Variants in SDK2 observed in about 807,000 individuals in gnomAD.
The protein encoded by SDK2 is protein sidekick-2.
SDK2 carries 105 observed loss-of-function variants against 253.9 expected under a neutral mutation model. The ratio of observed to expected loss-of-function variants is 0.41; its 90% CI spans 0.35 to 0.49. The LOEUF is 0.49. Among genes scored for constraint, SDK2 ranks in the 20% least tolerant of loss-of-function variants. The pLI, the probability that SDK2 is intolerant of heterozygous loss-of-function variation, is 0.06. For synonymous variants in SDK2, 1,249 were observed against 1,234.9 expected, an observed-to-expected ratio of 1.01 and a Z score of -0.24; for missense variants, 2,608 against 3,003.0, an observed-to-expected ratio of 0.87 and a Z score of 3.07.
At chr17:73,392,112 G>A (rs909186206) in intron 27 of SDK2, among the ~76,000 whole-genome samples, 2 of 152,032 alleles carry the variant, frequency 1.3e-5, no homozygotes, top group African/African-American at 4.8e-5. Context: ...AAGGCCAAGC[G>A]GTAGCTATTT....
intron 33 of SDK2, 105 bp from the exon 34 acceptor site, chr17:73,381,055 G>A: frequency 1.4e-6 from 1 of 706,884 alleles, no homozygotes; most frequent in Non-Finnish European, 2.5e-6. Flanking sequence ...GCCAGGCGGG[G>A]CTGACGGCGT....
chr17:73,399,129 CT>C (rs2062998329), intron 22 of SDK2, 38 bp downstream of exon 22: 1 of 1,607,932 alleles, frequency 6.2e-7, no homozygotes, highest in Non-Finnish European at 8.5e-7. Context: ...ACGGGGTGCC[CT>C]GGCGGGGGCT....
rs190959405 is a variant in SDK2, at chr17:73,371,376, C to T, written c.4981-2783G>A. Among the ~76,000 whole-genome samples, 18 of 152,126 alleles carry T rather than the reference C, an allele frequency of 1.2e-4. 1 individual carries two copies. The highest frequency in any genetic ancestry group is 6.8e-3 in the Middle Eastern group (2 of 294). ...GTGGTTGGTGGGGAGGAAGAGCTAG[C>T]GAGGGAAGCTGAGGAAAGCAAGCAT... On this transcript the variant is annotated intron_variant, in intron 36 of 44. Transcript: ENST00000392650.
intron 1 of SDK2, among the ~76,000 whole-genome samples, chr17:73,548,539 G>A (rs921972254): frequency 1.3e-5 from 2 of 152,238 alleles, no homozygotes; most frequent in Non-Finnish European, 1.5e-5. Context: ...CACAGAAACC[G>A]ATGCCAAGGT....
intron 1 of SDK2, among the ~76,000 whole-genome samples, chr17:73,555,317 AG>A (rs2045126492): frequency 6.6e-6 from 1 of 152,198 alleles, no homozygotes; most frequent in Admixed American, 6.5e-5. Context: ...GGTTGAGGGC[AG>A]GGGGAGCTCA....
Position 73,443,754 on chromosome 17 carries a change from C to G in SDK2, c.614-2831G>C, listed in dbSNP as rs188253883. ...TGGGCTCAAAGCCTAGCTCTGCCCC[C>G]AGGTATCCTGGTGACTTCATCCTAC... On this transcript the variant is annotated intron_variant, in intron 5 of 44. Coordinates refer to ENST00000392650, the MANE Select transcript of SDK2 (RefSeq NM_001144952.2). The surrounding 1 kb of genome is among the most constrained non-coding windows in gnomAD (Gnocchi z 4.6). 1.1e-4 allele frequency among the ~76,000 whole-genome samples: 16 copies of G among 152,158 alleles called. No homozygotes were observed. The highest frequency in any genetic ancestry group is 2.1e-4 in the Non-Finnish European group (14 of 68,020).
At chr17:73,389,109 C>A (rs1467347020) in intron 29 of SDK2, among the ~76,000 whole-genome samples, 1 of 149,962 alleles carries the variant, frequency 6.7e-6, no homozygotes, top group African/African-American at 2.5e-5. Flanking sequence ...TTGATTCAAG[C>A]AATCCTTCTA....
chr17:73,402,109 C>G lies in SDK2; in HGVS notation c.2517G>C (p.Glu839Asp). Residue 839 changes from glutamate (E) to aspartate (D), a missense_variant, in exon 19 of 45, where the codon GAG becomes GAC. By Grantham distance (45) the Glu-to-Asp change is conservative. Transcript: ENST00000392650. ...LIAWEPEQEE[E>D]VTMVTARPNF... ...TAGGCCGGGCGGTCACCATGGTAAC[C>G]TCCTCTTCCTGTTCCGGCTCCCAGG... The G allele has an allele frequency of 6.2e-7, 1 of 1,613,984 alleles. No homozygotes were observed. Among genetic ancestry groups the G allele is most frequent in the African/African-American group, 1.3e-5 (1 of 75,072 alleles).
rs2046433908 is a variant in SDK2, at chr17:73,644,150, T to G, written c.-62A>C. The G allele has an allele frequency of 2.1e-6, 3 of 1,397,006 alleles. No homozygotes were observed. Among genetic ancestry groups the G allele is most frequent in the African/African-American group, 1.4e-5 (1 of 70,016 alleles). The allele number at this position is 1,397,006 out of a possible 1,614,324, so 86.5% of individuals were successfully genotyped here. ...TTCCCTCCGCCCTGTTTTATAATCC[T>G]GGTGGGGTCCGATACCCCGTGGCTT... On this transcript the variant is annotated 5_prime_UTR_variant, in exon 1 of 45. Coordinates refer to ENST00000392650, the MANE Select transcript of SDK2 (RefSeq NM_001144952.2). This position sits in a 1 kb window ranked among gnomAD's most constrained non-coding sequence, Gnocchi z 6.3.
At position 73,601,021 on chromosome 17, in the gene SDK2, A is replaced by AT. The variant is rs1465187497; in HGVS notation, c.64+43003_64+43004insA. On this transcript the variant is annotated intron_variant, in intron 1 of 44. Coordinates refer to ENST00000392650, the MANE Select transcript of SDK2 (RefSeq NM_001144952.2). ...CTTTTCATTTTATTATTTAAAAAAAAATTTTTTTTTTTTTTTGAGATGGCA... is the reference window on the plus strand; with the variant it reads ...CTTTTCATTTTATTATTTAAAAAAAATATTTTTTTTTTTTTTTGAGATGGCA... 1.0e-3 allele frequency among the ~76,000 whole-genome samples: 155 copies of AT among 151,606 alleles called. 1 individual carries two copies. In the Middle Eastern group the frequency reaches 0.017, roughly 17 times the overall value.
chr17:73,340,684 A>C (rs1219082650), intron 44 of SDK2, among the ~76,000 whole-genome samples: 1 of 151,968 alleles, frequency 6.6e-6, no homozygotes, highest in Non-Finnish European at 1.5e-5. Flanking sequence ...ACTAAGCATG[A>C]GAAAAATCTA....
chr17:73,541,465 C>T lies in SDK2; in HGVS notation c.65-33868G>A, dbSNP rs1205965160. Among the ~76,000 whole-genome samples the T allele has an allele frequency of 6.6e-6, 1 of 152,078 alleles. No homozygotes were observed. The highest frequency in any genetic ancestry group is 2.4e-5 in the African/African-American group (1 of 41,406). Reference sequence around the variant, plus strand: ...CTCCATCCCATCCCCTCTCAACATCCTCACCTCTATCTTAGCAGGGCAATA... The same window carrying T: ...CTCCATCCCATCCCCTCTCAACATCTTCACCTCTATCTTAGCAGGGCAATA... On this transcript the variant is annotated intron_variant, in intron 1 of 44. Coordinates refer to ENST00000392650, the MANE Select transcript of SDK2 (RefSeq NM_001144952.2). This position sits in a 1 kb window ranked among gnomAD's most constrained non-coding sequence, Gnocchi z 4.3.
chr17:73,484,130 C>A (rs548364338), intron 2 of SDK2, among the ~76,000 whole-genome samples: 1 of 152,324 alleles, frequency 6.6e-6, no homozygotes, highest in Non-Finnish European at 1.5e-5. Context: ...AGCCTCGCCA[C>A]CCAGCTCCCA....
intron 2 of SDK2, among the ~76,000 whole-genome samples, chr17:73,477,867 T>C (rs910605106): frequency 7.9e-5 from 12 of 152,192 alleles, no homozygotes; most frequent in Non-Finnish European, 1.8e-4. Flanking sequence ...CTGGGTGACC[T>C]GCAACCTTAA....
chr17:73,507,690 G>A, intron 1 of SDK2, 93 bp from the exon 2 acceptor site: 1 of 1,341,048 alleles, frequency 7.5e-7, no homozygotes, highest in Non-Finnish European at 1.0e-6. Context: ...GGCAGATGGA[G>A]CAGGTGCAGC....
intron 1 of SDK2, among the ~76,000 whole-genome samples, chr17:73,585,808 T>C (rs1435589538): frequency 1.3e-5 from 2 of 152,322 alleles, no homozygotes; most frequent in East Asian, 3.9e-4. Flanking sequence ...AAATGAGCTT[T>C]TCCACTTCCT....
intron 1 of SDK2, among the ~76,000 whole-genome samples, chr17:73,569,585 G>A (rs1465208813): frequency 6.9e-6 from 1 of 145,546 alleles, no homozygotes; most frequent in Non-Finnish European, 1.5e-5. Context: ...GCTTTCAAAA[G>A]CAATCCCCAC....
chr17:73,556,298 G>A (rs2045142080), intron 1 of SDK2, among the ~76,000 whole-genome samples: 2 of 152,030 alleles, frequency 1.3e-5, no homozygotes, highest in Non-Finnish European at 2.9e-5. Context: ...GAAGCCAGCG[G>A]CAAGCTTTTA....
At position 73,338,424 on chromosome 17, in the gene SDK2, C is replaced by T. The variant is rs545855258; in HGVS notation, c.*163G>A. 144 of 702,062 alleles carry T rather than the reference C, an allele frequency of 2.1e-4. 3 individuals are homozygous for T. In the South Asian group the frequency reaches 2.2e-3, roughly 11 times the overall value. 43.5% of individuals were successfully genotyped at this position (702,062 alleles called of 1,614,324 possible). ...TCCTCTCACGGTTTTCTCCCTCCTT[C>T]TGAACGCCGGCTTTGCTGGCCCTGG... On this transcript the variant is annotated 3_prime_UTR_variant, in exon 45 of 45. Coordinates refer to ENST00000392650, the MANE Select transcript of SDK2 (RefSeq NM_001144952.2). The surrounding 1 kb of genome is among the most constrained non-coding windows in gnomAD (Gnocchi z 5.0).
Sources: gnomAD v4.1 joint callset for allele counts (sites outside exome capture counted in the v4.1 genomes callset) on GRCh38, gnomAD v4.1.1 for gene constraint, Gnocchi (gnomAD v3.1) non-coding constraint, MANE v1.5 for transcripts, NCBI Gene and HGNC (gene_info 2026-07-23, HGNC 2026-07-21) for gene names.